Variants in MSANTD5 observed in about 807,000 individuals in gnomAD.
MSANTD5 encodes the protein Myb/SANT DNA binding domain containing 5.
chr5:178,691,752 T>C (rs573861766), downstream of MSANTD5, among the ~76,000 whole-genome samples: 204 of 137,148 alleles, frequency 1.5e-3, 27 homozygotes, highest in African/African-American at 4.9e-3. Context: ...GCCATGTCAC[T>C]GCAGAGGATA....
upstream of MSANTD5, among the ~76,000 whole-genome samples, chr5:178,698,609 T>C (rs189715986): frequency 1.2e-4 from 19 of 152,252 alleles, no homozygotes; most frequent in East Asian, 2.3e-3. Flanking sequence ...AGGTAGGGTC[T>C]TGCTCTGCTG....
chr5:178,704,903 CAG>C, the MSANTD5 span, among the ~76,000 whole-genome samples: 2 of 152,134 alleles, frequency 1.3e-5, no homozygotes, highest in African/African-American at 4.8e-5. Flanking sequence ...AGAGTGGAGA[CAG>C]AGGGGCCACA....
At chr5:178,692,379 CAAAAA>C (rs60186176), downstream of MSANTD5, among the ~76,000 whole-genome samples, 1 of 118,658 alleles carries the variant, frequency 8.4e-6, no homozygotes. Context: ...GACTCCATCT[CAAAAA>C]AAAAAAAAAA....
upstream of MSANTD5, among the ~76,000 whole-genome samples, chr5:178,701,980 G>A (rs1265875737): frequency 1.3e-5 from 2 of 150,556 alleles, no homozygotes; most frequent in South Asian, 2.1e-4. Flanking sequence ...TGATCCACCC[G>A]CCTCGGCCTC....
At chr5:178,694,030 G>A (rs189332752), downstream of MSANTD5, among the ~76,000 whole-genome samples, 271 of 152,070 alleles carry the variant, frequency 1.8e-3, 1 homozygote, top group South Asian at 9.7e-3. Context: ...TGAAATAAAA[G>A]TTCTGGCTGG....
the MSANTD5 span, among the ~76,000 whole-genome samples, chr5:178,706,666 G>A: frequency 4.6e-5 from 7 of 151,654 alleles, no homozygotes; most frequent in South Asian, 1.5e-3. Flanking sequence ...AATGGGGAAT[G>A]TCCTTCCTCC....
chr5:178,704,892 G>A, the MSANTD5 span, among the ~76,000 whole-genome samples: 1 of 152,188 alleles, frequency 6.6e-6, no homozygotes, highest in African/African-American at 2.4e-5. Context: ...GATGAGACTG[G>A]AGAGTGGAGA....
chr5:178,693,321 T>C (rs1003679295), downstream of MSANTD5, among the ~76,000 whole-genome samples: 1 of 151,912 alleles, frequency 6.6e-6, no homozygotes, highest in Non-Finnish European at 1.5e-5. Flanking sequence ...CAAAAAAATA[T>C]AATAATGTGT....
chr5:178,701,816 GC>G (rs531097796), upstream of MSANTD5, among the ~76,000 whole-genome samples: 1 of 149,484 alleles, frequency 6.7e-6, no homozygotes, highest in Admixed American at 6.7e-5. Context: ...TGTGTTCTTG[GC>G]CTACTGGAAC....
chr5:178,701,698 TA>T (rs1765485884), upstream of MSANTD5, among the ~76,000 whole-genome samples: 1 of 147,666 alleles, frequency 6.8e-6, no homozygotes, highest in African/African-American at 2.5e-5. Context: ...TTTAAATATA[TA>T]AATATATCTA....
chr5:178,699,585 T>C (rs1008362405), upstream of MSANTD5, among the ~76,000 whole-genome samples: 1 of 152,168 alleles, frequency 6.6e-6, no homozygotes, highest in Non-Finnish European at 1.5e-5. Context: ...CTTATTTTCA[T>C]ATTTCTAGTA....
upstream of MSANTD5, among the ~76,000 whole-genome samples, chr5:178,702,339 C>T (rs1370347252): frequency 1.5e-5 from 2 of 135,872 alleles, no homozygotes; most frequent in Admixed American, 8.1e-5. Flanking sequence ...CTCTCTCTGT[C>T]GCCCAGGCTG....
At chr5:178,693,781 C>T (rs759090547), downstream of MSANTD5, among the ~76,000 whole-genome samples, 4 of 151,864 alleles carry the variant, frequency 2.6e-5, no homozygotes, top group Admixed American at 6.6e-5. Flanking sequence ...AATCCTCTAG[C>T]TAGACACAGA....
At chr5:178,692,844 C>T (rs548578417), downstream of MSANTD5, among the ~76,000 whole-genome samples, 18 of 151,876 alleles carry the variant, frequency 1.2e-4, no homozygotes, top group Non-Finnish European at 1.3e-4. Flanking sequence ...CTTCTGGTGA[C>T]TCTCTTGACT....
the MSANTD5 span, among the ~76,000 whole-genome samples, chr5:178,704,919 A>C: frequency 2.5e-4 from 38 of 152,302 alleles, no homozygotes; most frequent in African/African-American, 8.9e-4. Flanking sequence ...GGCCACAGGC[A>C]CTTTTCCAGG....
chr5:178,702,097 TAAAA>T (rs1581735745), upstream of MSANTD5, among the ~76,000 whole-genome samples: 1 of 147,886 alleles, frequency 6.8e-6, no homozygotes, highest in African/African-American at 2.5e-5. Flanking sequence ...AAAAAAAAAA[TAAAA>T]AAAGAAATGG....
At chr5:178,705,933 A>G in the MSANTD5 span, among the ~76,000 whole-genome samples, 1 of 152,148 alleles carries the variant, frequency 6.6e-6, no homozygotes, top group East Asian at 1.9e-4. Context: ...CTCCAGCCTG[A>G]GTGACAGAGT....
At chr5:178,701,594 C>T (rs193070139), upstream of MSANTD5, among the ~76,000 whole-genome samples, 337 of 150,704 alleles carry the variant, frequency 2.2e-3, 2 homozygotes, top group Middle Eastern at 7.1e-3. Context: ...ATCTCTTGAA[C>T]CTGGGAGGCG....
chr5:178,702,521 G>T (rs933519593), upstream of MSANTD5, among the ~76,000 whole-genome samples: 2 of 151,404 alleles, frequency 1.3e-5, no homozygotes, highest in Non-Finnish European at 2.9e-5. Context: ...GGCTGGTCTC[G>T]ACCTCCTGAC....
Sources: allele counts gnomAD v4.1 joint callset (sites outside exome capture counted in the v4.1 genomes callset), GRCh38; gene constraint gnomAD v4.1.1; transcripts MANE v1.5; gene names NCBI Gene and HGNC (gene_info 2026-07-23, HGNC 2026-07-21).